Variants in CAMKK2 observed in about 807,000 individuals in gnomAD.
CAMKK2 encodes the protein calcium/calmodulin dependent protein kinase kinase 2.
A neutral mutation model predicts 67.2 loss-of-function variants in CAMKK2; 30 were observed. That is an observed-to-expected ratio of 0.45 (90% confidence interval 0.33 to 0.61). The LOEUF is 0.61. CAMKK2 is among the 20% of genes least tolerant of loss of function. The pLI is 0.02. For missense variants in CAMKK2, 643 were observed against 802.0 expected, an observed-to-expected ratio of 0.80 and a Z score of 2.39; for synonymous variants, 322 against 326.2, an observed-to-expected ratio of 0.99 and a Z score of 0.14.
At chr12:121,295,977 G>A (rs1048310419) in intron 1 of CAMKK2, among the ~76,000 whole-genome samples, 1 of 152,224 alleles carries the variant, frequency 6.6e-6, no homozygotes, top group Non-Finnish European at 1.5e-5. Context: ...AGAGTCAGGC[G>A]GACGCCTCTC....
At position 121,240,203 on chromosome 12, in the gene CAMKK2, G is replaced by C; in HGVS notation, c.*496C>G. ...GGCCAGCCCTGCTCTGACTCCTTGA[G>C]ACCACGGCTCTGGAAGGTGCCATGG... On this transcript the variant is annotated 3_prime_UTR_variant, in exon 17 of 17. Coordinates refer to ENST00000404169, the MANE Select transcript of CAMKK2 (RefSeq NM_001270485.2). This position sits in a 1 kb window ranked among gnomAD's most constrained non-coding sequence, Gnocchi z 4.4. 1.8e-6 allele frequency: 1 copy of C among 567,406 alleles called. No homozygotes were observed. 35.1% of individuals were successfully genotyped at this position (567,406 alleles called of 1,614,324 possible). A position where few individuals can be genotyped will look rare whatever the true frequency, so the allele number is the denominator to read the frequency against.
chr12:121,250,373 C>CAAGA (rs891595211), intron 11 of CAMKK2, among the ~76,000 whole-genome samples: 1 of 152,180 alleles, frequency 6.6e-6, no homozygotes, highest in African/African-American at 2.4e-5. Context: ...ACAGGAACAA[C>CAAGA]AAGAATAACA....
chr12:121,289,362 C>A (rs1424741956), intron 1 of CAMKK2, among the ~76,000 whole-genome samples: 1 of 152,202 alleles, frequency 6.6e-6, no homozygotes, highest in African/African-American at 2.4e-5. Flanking sequence ...ACGGGGAAAG[C>A]AGCAGCCAGG....
chr12:121,270,621 G>A (rs535786645), intron 3 of CAMKK2, among the ~76,000 whole-genome samples: 1 of 152,222 alleles, frequency 6.6e-6, no homozygotes, highest in South Asian at 2.1e-4. Context: ...GTACCTCGGG[G>A]TGAAACAAAA....
At chr12:121,290,665 G>A (rs1785280693) in intron 1 of CAMKK2, among the ~76,000 whole-genome samples, 1 of 152,142 alleles carries the variant, frequency 6.6e-6, no homozygotes, top group South Asian at 2.1e-4. Flanking sequence ...ACTCCAGCCT[G>A]GGCGAGTGAG....
Position 121,240,479 on chromosome 12 carries a change from T to C in CAMKK2, c.*220A>G. The C allele has an allele frequency of 1.3e-6, 2 of 1,535,400 alleles. No homozygotes were observed. The highest frequency in any genetic ancestry group is 1.7e-6 in the Non-Finnish European group (2 of 1,146,802). On this transcript the variant is annotated 3_prime_UTR_variant, in exon 17 of 17. Coordinates refer to ENST00000404169, the MANE Select transcript of CAMKK2 (RefSeq NM_001270485.2). The surrounding 1 kb of genome is among the most constrained non-coding windows in gnomAD (Gnocchi z 4.4). ...GGGTCTGCAACTCCTCACACCCGCCTGTCCAGCCAGCCAGCGGCCACGGTC... is the reference window on the plus strand; with the variant it reads ...GGGTCTGCAACTCCTCACACCCGCCCGTCCAGCCAGCCAGCGGCCACGGTC...
rs200503109 is a variant in CAMKK2 at position 121,248,673 on chromosome 12, G to C, written c.1385C>G (p.Thr462Arg). ...EPLPSEDENCTLVEVTEEEVE... is the reference protein window; with the variant it reads ...EPLPSEDENCRLVEVTEEEVE... ...CTCCTCTTCAGTCACTTCGACCAGC[G>C]TGCAGTTCTCATCCTCCGACGGCAA... The change falls in exon 14 of 17, where the codon ACG becomes AGG. Residue 462 changes from threonine (T) to arginine (R), a missense_variant. Physicochemically the swap from Thr to Arg is moderately conservative, Grantham distance 71 (BLOSUM62 -1). Around this residue, in one of 3 missense-constraint regions of CAMKK2, gnomAD observed 483 missense variants for 625.8 expected, o/e 0.77. Coordinates refer to ENST00000404169, the MANE Select transcript of CAMKK2 (RefSeq NM_001270485.2). 1 of 1,614,216 alleles carries C rather than the reference G, an allele frequency of 6.2e-7. No individual in the cohort carries two copies. The highest frequency in any genetic ancestry group is 1.7e-5 in the Admixed American group (1 of 60,020).
At chr12:121,270,368 T>TAAAAA (rs3999199) in intron 3 of CAMKK2, among the ~76,000 whole-genome samples, 12 of 125,264 alleles carry the variant, frequency 9.6e-5, no homozygotes, top group African/African-American at 3.4e-4. Flanking sequence ...ACACCCTGTC[T>TAAAAA]AAAAAAAAAA....
At chr12:121,284,611 C>T (rs1898382353) in intron 1 of CAMKK2, among the ~76,000 whole-genome samples, 1 of 152,184 alleles carries the variant, frequency 6.6e-6, no homozygotes, top group African/African-American at 2.4e-5. Context: ...AGGCATGAGT[C>T]ACCGCACCCG....
At position 121,274,405 on chromosome 12, in the gene CAMKK2, G is replaced by C; in HGVS notation, c.122C>G (p.Ser41Ter). ...CATGCCCAGGTGGATGCTCAAGGAT[G>C]AGAGGCCCCGCAGGGCCTCACAGGG... is the stretch of plus-strand genomic sequence containing the variant. ...QKPCEALRGLSSLSIHLGMES... is the reference protein window; with the variant it reads ...QKPCEALRGL Residue 41 changes from serine to a stop codon, truncating the protein, a stop_gained, in exon 2 of 17, where the codon TCA becomes TGA. Transcript: ENST00000404169. LOFTEE classifies it high-confidence loss of function. 1 of 1,613,358 alleles carries C rather than the reference G, an allele frequency of 6.2e-7. No homozygotes were observed. The highest frequency in any genetic ancestry group is 8.5e-7 in the Non-Finnish European group (1 of 1,179,938).
At chr12:121,289,287 T>C (rs1242511487) in intron 1 of CAMKK2, among the ~76,000 whole-genome samples, 5 of 151,862 alleles carry the variant, frequency 3.3e-5, no homozygotes, top group Non-Finnish European at 5.9e-5. Context: ...ACTACAAACA[T>C]GACTGAAACC....
intron 1 of CAMKK2, among the ~76,000 whole-genome samples, chr12:121,291,741 C>T (rs1900063736): frequency 6.6e-6 from 1 of 151,696 alleles, no homozygotes; most frequent in Non-Finnish European, 1.5e-5. Flanking sequence ...GTACTAAATG[C>T]CACTGAATTG....
chr12:121,284,621 G>A (rs972713451), intron 1 of CAMKK2, among the ~76,000 whole-genome samples: 1 of 152,116 alleles, frequency 6.6e-6, no homozygotes, highest in Admixed American at 6.6e-5. Context: ...CACCGCACCC[G>A]GCCGGGCTGA....
chr12:121,261,311 C>T (rs1249781906), intron 6 of CAMKK2, among the ~76,000 whole-genome samples: 2 of 152,146 alleles, frequency 1.3e-5, no homozygotes, highest in Non-Finnish European at 2.9e-5. Flanking sequence ...CTGCCAGGAC[C>T]CAGGGCCCCT....
chr12:121,255,868 C>A, intron 7 of CAMKK2, 64 bp from the exon 8 acceptor site: 1 of 1,467,694 alleles, frequency 6.8e-7, no homozygotes, highest in South Asian at 1.1e-5. Context: ...TCTCTGTCCT[C>A]CCCACCTCCC....
upstream of CAMKK2, chr12:121,297,100 G>GCCCGCGGCGCGCACCTGCCCAGGTTCTT (rs1566164268): frequency 1.3e-5 from 2 of 153,146 alleles, no homozygotes; most frequent in African/African-American, 2.4e-5. Flanking sequence ...GTACCCGCTC[G>GCCCGCGGCGCGCACCTGCCCAGGTTCTT]CCCGCGGCGC....
At chr12:121,280,163 C>T (rs1593463032) in intron 1 of CAMKK2, among the ~76,000 whole-genome samples, 1 of 152,222 alleles carries the variant, frequency 6.6e-6, no homozygotes, top group African/African-American at 2.4e-5. Flanking sequence ...CGGCTAAAGC[C>T]ATGGCAGAAG....
chr12:121,269,113 A>G (rs1414883017), intron 4 of CAMKK2, among the ~76,000 whole-genome samples: 1 of 152,008 alleles, frequency 6.6e-6, no homozygotes, highest in Non-Finnish European at 1.5e-5. Flanking sequence ...ACATGGGGAA[A>G]CTGAGGCTCA....
In CAMKK2 at chr12:121,253,390, G is replaced by A. The variant is rs368964739; in HGVS notation, c.990C>T (p.Asp330=). 2.5e-6 allele frequency: 4 copies of A among 1,614,140 alleles called. No individual in the cohort carries two copies. Among genetic ancestry groups the A allele is most frequent in the Non-Finnish European group, 3.4e-6 (4 of 1,180,006 alleles). ...CCTTGAATTCATTGCTCACACCAAA[G>A]TCAGCGATCTTGATGTGCCCATCTT... ...VGEDGHIKIA[D]FGVSNEFKGS... Residue 330 remains aspartate (D), a synonymous_variant, in exon 10 of 17, where the codon GAC becomes GAT. Coordinates refer to ENST00000404169, the MANE Select transcript of CAMKK2 (RefSeq NM_001270485.2). This position sits in a 1 kb window ranked among gnomAD's most constrained non-coding sequence, Gnocchi z 5.0.
Sources: allele counts gnomAD v4.1 joint callset (sites outside exome capture counted in the v4.1 genomes callset), GRCh38; gene constraint gnomAD v4.1.1; regional missense constraint gnomAD v4.1.1; non-coding constraint Gnocchi (gnomAD v3.1); transcripts MANE v1.5; gene names NCBI Gene and HGNC (gene_info 2026-07-23, HGNC 2026-07-21).